MSTO1: variants seen among roughly 807,000 people sequenced by gnomAD.
The protein encoded by MSTO1 is misato mitochondrial distribution and morphology regulator 1.
Under a neutral mutation model 55.7 loss-of-function variants are expected in MSTO1, and 24 were observed. The ratio of observed to expected loss-of-function variants is 0.43; its 90% CI spans 0.31 to 0.61. The LOEUF (loss-of-function observed/expected upper bound fraction) is 0.61. Ranked by LOEUF, MSTO1 falls within the 20% of genes least tolerant of loss-of-function variation. The pLI, the probability that MSTO1 is intolerant of heterozygous loss-of-function variation, is 0.09. For missense variants in MSTO1, 363 were observed against 625.7 expected (o/e 0.58, Z 4.48); for synonymous variants, 162 against 252.8 (o/e 0.64, Z 3.41).
At chr1:155,571,846 A>C in the MSTO1 span, among the ~76,000 whole-genome samples, 1 of 152,070 alleles carries the variant, frequency 6.6e-6, no homozygotes, top group Admixed American at 6.6e-5. Context: ...TCAGGAGGTC[A>C]GCCTGGCCAA....
At chr1:155,612,348 A>G (rs555105087) in intron 8 of MSTO1, 32 bp downstream of exon 8, 4 of 1,578,804 alleles carry the variant, frequency 2.5e-6, no homozygotes, top group African/African-American at 2.7e-5. Flanking sequence ...AAACAGTCAC[A>G]CAGTGGGGAG....
chr1:155,587,335 G>T, the MSTO1 span, among the ~76,000 whole-genome samples: 2 of 150,664 alleles, frequency 1.3e-5, no homozygotes, highest in South Asian at 4.2e-4. Flanking sequence ...AACTACTCCA[G>T]AGGCTGAAGC....
chr1:155,589,443 G>A, the MSTO1 span, among the ~76,000 whole-genome samples: 1 of 151,974 alleles, frequency 6.6e-6, no homozygotes, highest in Middle Eastern at 3.2e-3. Flanking sequence ...TACAGGGATA[G>A]CACTAATAGG....
the MSTO1 span, among the ~76,000 whole-genome samples, chr1:155,578,846 A>G: frequency 1.6e-5 from 2 of 123,264 alleles, no homozygotes; most frequent in African/African-American, 6.3e-5. Flanking sequence ...TTTTTTCAGT[A>G]GAGACGAGGT....
At chr1:155,563,767 G>C in the MSTO1 span, 18 of 356,232 alleles carry the variant, frequency 5.1e-5, no homozygotes, top group Non-Finnish European at 8.8e-5. Context: ...CATGCCTCCA[G>C]GGTTAATGTG....
At chr1:155,590,794 T>C in the MSTO1 span, 1 of 1,606,914 alleles carries the variant, frequency 6.2e-7, no homozygotes, top group South Asian at 1.1e-5. Context: ...CAGCTCCCAC[T>C]TTTGGGCCTC....
the MSTO1 span, chr1:155,590,994 C>T: frequency 6.2e-7 from 1 of 1,613,840 alleles, no homozygotes; most frequent in African/African-American, 1.3e-5. Context: ...CGAACAGGGC[C>T]ACAAGGAGGG....
the MSTO1 span, among the ~76,000 whole-genome samples, chr1:155,581,538 A>C: frequency 6.6e-6 from 1 of 151,498 alleles, no homozygotes; most frequent in African/African-American, 2.4e-5. Context: ...CAATCTCCCA[A>C]GTAGCTGGGA....
At chr1:155,591,087 A>T in the MSTO1 span, 5 of 1,613,528 alleles carry the variant, frequency 3.1e-6, no homozygotes, top group African/African-American at 5.3e-5. Context: ...GCATCTGGCT[A>T]GTGCTCTGCA....
the MSTO1 span, chr1:155,590,709 G>A: frequency 1.9e-6 from 3 of 1,552,910 alleles, no homozygotes; most frequent in Non-Finnish European, 2.6e-6. Context: ...CCCCGGAGGG[G>A]CAAGTGCAGC....
chr1:155,611,734 C>T lies in MSTO1; in HGVS notation c.467C>T (p.Pro156Leu). ...GCTACAACTCCAAAACCACTTATCCCTACAGAGGCCAGCATCAGGGTCTGG... is the reference window on the plus strand; with the variant it reads ...GCTACAACTCCAAAACCACTTATCCTTACAGAGGCCAGCATCAGGGTCTGG... ...PTATTPKPLI[P>L]TEASIRVWSD... Residue 156 changes from proline (P) to leucine (L), a missense_variant, in exon 6 of 14, where the codon CCT becomes CTT. By Grantham distance (98) the Pro-to-Leu change is moderately conservative. This residue lies in a region of MSTO1 where 94 missense variants were observed against 212.4 expected (regional missense o/e 0.44). Transcript: ENST00000245564. 1 of 772,704 alleles carries T rather than the reference C, an allele frequency of 1.3e-6. No homozygotes were observed. Among genetic ancestry groups the T allele is most frequent in the Non-Finnish European group, 2.1e-6 (1 of 476,324 alleles). The allele number at this position is 772,704 out of a possible 1,614,324, so 47.9% of individuals were successfully genotyped here.
chr1:155,590,727 C>A, the MSTO1 span: 1 of 1,584,202 alleles, frequency 6.3e-7, no homozygotes, highest in Non-Finnish European at 8.6e-7. Context: ...AGCACAGCAG[C>A]CTGCCACCCA....
chr1:155,612,374 C>T lies in MSTO1; in HGVS notation c.814-44C>T, dbSNP rs772904263. On this transcript the variant is annotated intron_variant, in intron 8 of 13. Coordinates refer to ENST00000245564, the MANE Select transcript of MSTO1 (RefSeq NM_018116.4). ...CAGTGGGGAGGGAGAAATCAGAATC[C>T]CAGTGGGAGAGCTGCTTAATACAAA... is the stretch of plus-strand genomic sequence containing the variant. 3 of 1,584,454 alleles carry T rather than the reference C, an allele frequency of 1.9e-6. No homozygotes were observed. In the East Asian group the frequency reaches 6.7e-5, roughly 36 times the overall value.
upstream of MSTO1, among the ~76,000 whole-genome samples, chr1:155,606,661 G>A (rs2148975320): frequency 6.6e-6 from 1 of 151,882 alleles, no homozygotes; most frequent in Middle Eastern, 3.4e-3. Context: ...CCAAAGTGCT[G>A]GGATTACAGG....
chr1:155,565,088 T>C, the MSTO1 span, among the ~76,000 whole-genome samples: 3 of 151,472 alleles, frequency 2.0e-5, no homozygotes, highest in Non-Finnish European at 1.5e-5. Flanking sequence ...ACCACTGCAC[T>C]CCAGCCTGGG....
the MSTO1 span, among the ~76,000 whole-genome samples, chr1:155,574,247 A>C: frequency 6.6e-6 from 1 of 152,188 alleles, no homozygotes; most frequent in African/African-American, 2.4e-5. Flanking sequence ...AGTCCAAGCT[A>C]CTTGAGAGGC....
At chr1:155,567,083 T>G in the MSTO1 span, among the ~76,000 whole-genome samples, 1 of 152,052 alleles carries the variant, frequency 6.6e-6, no homozygotes, top group Non-Finnish European at 1.5e-5. Flanking sequence ...GGGTTGACTT[T>G]ACATTTGACG....
chr1:155,613,355 A>AG (rs1674763282), intron 11 of MSTO1, 107 bp from the exon 12 acceptor site: 3 of 1,570,526 alleles, frequency 1.9e-6, no homozygotes, highest in African/African-American at 2.8e-5. Context: ...AGGAAAAAAA[A>AG]AAGGGCTTTG....
chr1:155,610,745 G>C, intron 2 of MSTO1, 185 bp downstream of exon 2: 1 of 552,690 alleles, frequency 1.8e-6, no homozygotes, highest in South Asian at 2.0e-5. Flanking sequence ...TTCGGGAATA[G>C]GCTGCTAGGC....
Sources: allele counts gnomAD v4.1 joint callset (sites outside exome capture counted in the v4.1 genomes callset), GRCh38; gene constraint gnomAD v4.1.1; regional missense constraint gnomAD v4.1.1; transcripts MANE v1.5; gene names NCBI Gene and HGNC (gene_info 2026-07-23, HGNC 2026-07-21).